The following DOCK4 variants were observed in gnomAD, a reference collection of about 807,000 sequenced individuals.
DOCK4 encodes dedicator of cytokinesis protein 4.
DOCK4 carries 97 observed loss-of-function variants against 268.1 expected under a neutral mutation model. The ratio of observed to expected loss-of-function variants is 0.36; its 90% CI spans 0.31 to 0.43. DOCK4 has a LOEUF of 0.43. Ranked by LOEUF, DOCK4 falls within the 20% of genes least tolerant of loss-of-function variation. The pLI is 1.00. For missense variants in DOCK4, 2,145 were observed against 2,455.7 expected, an observed-to-expected ratio of 0.87 and a Z score of 2.67; for synonymous variants, 954 against 887.2, an observed-to-expected ratio of 1.08 and a Z score of -1.34.
intron 1 of DOCK4, among the ~76,000 whole-genome samples, chr7:112,112,174 C>T (rs764150253): frequency 6.6e-6 from 1 of 152,084 alleles, no homozygotes; most frequent in Non-Finnish European, 1.5e-5. Flanking sequence ...TGGGTCATGG[C>T]GGCAGATCCT....
chr7:112,036,194 C>T lies in DOCK4; in HGVS notation c.38-32063G>A, dbSNP rs140618360. ...ACATGTAAAAACTCAGGAAATAGCA[C>T]ATCCATGAGTCTTTCCTTAGAATAA... On this transcript the variant is annotated intron_variant, in intron 1 of 52. Coordinates refer to ENST00000428084, the MANE Select transcript of DOCK4 (RefSeq NM_001363540.2). Among the ~76,000 whole-genome samples the T allele has an allele frequency of 2.1e-3, 312 of 152,036 alleles. 2 individuals are homozygous for T. Among genetic ancestry groups the T allele is most frequent in the African/African-American group, 7.3e-3 (302 of 41,468 alleles).
chr7:112,200,493 C>T (rs997473749), intron 1 of DOCK4, among the ~76,000 whole-genome samples: 1 of 151,998 alleles, frequency 6.6e-6, no homozygotes, highest in African/African-American at 2.4e-5. Context: ...CATTGTATTA[C>T]TGTGTTACGG....
intron 16 of DOCK4, among the ~76,000 whole-genome samples, chr7:111,882,526 A>AT (rs1807478822): frequency 6.6e-6 from 1 of 152,192 alleles, no homozygotes; most frequent in Admixed American, 6.5e-5. Context: ...TTGTTCAAAT[A>AT]TTTTCAAGGC....
intron 26 of DOCK4, among the ~76,000 whole-genome samples, chr7:111,823,166 C>G (rs764768671): frequency 6.6e-6 from 1 of 150,664 alleles, no homozygotes. Flanking sequence ...CCTGAAAACA[C>G]TCTTGACAAG....
At position 111,765,106 on chromosome 7, in the gene DOCK4, T is replaced by C. The variant is rs1299482359; in HGVS notation, c.4020+12A>G. 6 of 1,351,910 alleles carry C rather than the reference T, an allele frequency of 4.4e-6. No homozygotes were observed. In the South Asian group the frequency reaches 5.6e-5, roughly 13 times the overall value. The allele number at this position is 1,351,910 out of a possible 1,614,324, so 83.7% of individuals were successfully genotyped here. On this transcript the variant is annotated intron_variant, in intron 39 of 52. Coordinates refer to ENST00000428084, the MANE Select transcript of DOCK4 (RefSeq NM_001363540.2). ...AGAGCTGTGAAAGCAAATTAAATAG[T>C]ATATTACTTACTCTTAAGAAAAATG...
At chr7:111,928,779 G>C (rs1793947555) in intron 12 of DOCK4, among the ~76,000 whole-genome samples, 1 of 151,698 alleles carries the variant, frequency 6.6e-6, no homozygotes, top group Non-Finnish European at 1.5e-5. Flanking sequence ...AGTAGAGATG[G>C]GTTTTCACCA....
chr7:112,124,086 G>C (rs148011647), intron 1 of DOCK4, among the ~76,000 whole-genome samples: 53 of 152,004 alleles, frequency 3.5e-4, no homozygotes, highest in African/African-American at 1.3e-3. Flanking sequence ...ATGCAGTGGA[G>C]CGATCATCAT....
intron 28 of DOCK4, among the ~76,000 whole-genome samples, chr7:111,811,596 CTA>C (rs1239567532): frequency 2.0e-5 from 3 of 151,966 alleles, no homozygotes; most frequent in Non-Finnish European, 4.4e-5. Context: ...GTAAAAAACA[CTA>C]TGTTTTGAGT....
chr7:111,755,656 T>C, intron 41 of DOCK4, 55 bp from the exon 42 acceptor site: 1 of 1,506,958 alleles, frequency 6.6e-7, no homozygotes, highest in Non-Finnish European at 9.2e-7. Context: ...TCTAGCTACT[T>C]CCATGACTAG....
chr7:111,760,917 G>A (rs751564797), intron 39 of DOCK4, among the ~76,000 whole-genome samples: 3 of 152,006 alleles, frequency 2.0e-5, no homozygotes, highest in Non-Finnish European at 4.4e-5. Context: ...ACGGATCTCT[G>A]ACATTTTAAT....
chr7:111,783,014 G>GAAAAAA, intron 34 of DOCK4, 90 bp from the exon 35 acceptor site: 4 of 412,756 alleles, frequency 9.7e-6, no homozygotes, highest in South Asian at 9.0e-5. Context: ...AAGAAAGAAA[G>GAAAAAA]AAAGAAAAAA....
chr7:111,791,654 G>A (rs1563511081), intron 30 of DOCK4, among the ~76,000 whole-genome samples: 1 of 152,008 alleles, frequency 6.6e-6, no homozygotes, highest in Non-Finnish European at 1.5e-5. Flanking sequence ...CACCATGTTG[G>A]CCAGGCTGGT....
intron 1 of DOCK4, among the ~76,000 whole-genome samples, chr7:112,132,811 C>G (rs560081645): frequency 6.6e-6 from 1 of 152,152 alleles, no homozygotes; most frequent in South Asian, 2.1e-4. Context: ...CTGGTTTAAA[C>G]TTCTACTTGG....
At chr7:112,141,548 A>C (rs1433238889) in intron 1 of DOCK4, among the ~76,000 whole-genome samples, 1 of 152,118 alleles carries the variant, frequency 6.6e-6, no homozygotes, top group Non-Finnish European at 1.5e-5. Flanking sequence ...CTGACTCAAG[A>C]CTCCAACATC....
intron 21 of DOCK4, among the ~76,000 whole-genome samples, chr7:111,868,428 T>C (rs1274019588): frequency 6.6e-6 from 1 of 152,156 alleles, no homozygotes; most frequent in Admixed American, 6.5e-5. Flanking sequence ...AAAAACACTT[T>C]AGCCGGGCAC....
At chr7:111,788,215 T>C (rs758162930) in intron 32 of DOCK4, among the ~76,000 whole-genome samples, 1 of 152,236 alleles carries the variant, frequency 6.6e-6, no homozygotes, top group Non-Finnish European at 1.5e-5. Flanking sequence ...TATTAATTAA[T>C]TAAATCAGGT....
intron 1 of DOCK4, among the ~76,000 whole-genome samples, chr7:112,084,525 A>G (rs575819937): frequency 2.6e-5 from 4 of 152,246 alleles, no homozygotes; most frequent in Admixed American, 2.6e-4. Flanking sequence ...AGCTTTGCTG[A>G]ACAGTTCTAC....
chr7:112,065,194 C>T (rs974292244), intron 1 of DOCK4, among the ~76,000 whole-genome samples: 2 of 152,086 alleles, frequency 1.3e-5, no homozygotes, highest in Non-Finnish European at 2.9e-5. Context: ...GCATTCTCCC[C>T]TCTCTAACCA....
intron 42 of DOCK4, among the ~76,000 whole-genome samples, chr7:111,748,435 C>T (rs1796419663): frequency 6.6e-6 from 1 of 151,916 alleles, no homozygotes; most frequent in African/African-American, 2.4e-5. Flanking sequence ...GGCAAACGAC[C>T]CAATAAAAAA....
Sources: allele counts gnomAD v4.1 joint callset (sites outside exome capture counted in the v4.1 genomes callset), GRCh38; gene constraint gnomAD v4.1.1; transcripts MANE v1.5; gene names NCBI Gene and HGNC (gene_info 2026-07-23, HGNC 2026-07-21).